The following PREX2 variants were observed in gnomAD, a reference collection of about 807,000 sequenced individuals.
PREX2 encodes phosphatidylinositol 3,4,5-trisphosphate-dependent Rac exchanger 2 protein.
PREX2 carries 107 observed loss-of-function variants against 203.2 expected under a neutral mutation model. The ratio of observed to expected loss-of-function variants is 0.53; its 90% CI spans 0.45 to 0.62. The LOEUF is 0.62. Ranked by LOEUF, PREX2 falls within the 20% of genes least tolerant of loss-of-function variation. The pLI is 0.00. For synonymous variants in PREX2, 672 were observed against 663.6 expected, an observed-to-expected ratio of 1.01 and a Z score of -0.19; for missense variants, 1,777 against 1,955.9, an observed-to-expected ratio of 0.91 and a Z score of 1.72.
intron 1 of PREX2, among the ~76,000 whole-genome samples, chr8:67,996,113 A>C (rs370168412): frequency 6.6e-6 from 1 of 152,168 alleles, no homozygotes; most frequent in East Asian, 1.9e-4. Context: ...TTTATGTACT[A>C]ATGGACATTT....
Position 68,150,978 on chromosome 8 carries a change from G to A in PREX2, c.4231+4626G>A, listed in dbSNP as rs568296589. The stretch of plus-strand genomic sequence containing the variant: ...ACAATCTCTGCCCCTATCCTCACAC[G>A]GTCTTCTTCCCTCTGTGTGTGTCTG... On this transcript the variant is annotated intron_variant, in intron 34 of 39. Coordinates refer to ENST00000288368, the MANE Select transcript of PREX2 (RefSeq NM_024870.4). 1.6e-3 allele frequency among the ~76,000 whole-genome samples: 239 copies of A among 152,024 alleles called. 8 individuals carry two copies. The highest frequency in any genetic ancestry group is 3.4e-3 in the Middle Eastern group (1 of 292).
At chr8:68,099,524 A>G (rs1199011339) in intron 22 of PREX2, among the ~76,000 whole-genome samples, 158 bp from the exon 23 acceptor site, 4 of 152,208 alleles carry the variant, frequency 2.6e-5, no homozygotes. Context: ...GCAGCTACCC[A>G]GAGAACAAAA....
intron 37 of PREX2, among the ~76,000 whole-genome samples, chr8:68,199,588 T>C (rs1335276946): frequency 1.3e-5 from 2 of 152,172 alleles, no homozygotes; most frequent in East Asian, 3.9e-4. Context: ...TAAAAACAAC[T>C]AACAAGAAAT....
chr8:68,021,147 ATCTCC>A (rs1807556922), intron 3 of PREX2, among the ~76,000 whole-genome samples: 1 of 152,252 alleles, frequency 6.6e-6, no homozygotes, highest in African/African-American at 2.4e-5. Context: ...TTAAAAGAAT[ATCTCC>A]TATTTATCTA....
chr8:68,099,774 G>C lies in PREX2; in HGVS notation c.2646G>C (p.Gln882His). 6.2e-7 allele frequency: 1 copy of C among 1,613,286 alleles called. No homozygotes were observed. Among genetic ancestry groups the C allele is most frequent in the Non-Finnish European group, 8.5e-7 (1 of 1,179,320 alleles). Reference sequence around the variant, plus strand: ...ATGAAGTGATTCCTACTGACCTTCAGAGTAAATTCAGTGCCCTTTGCAGTG... The same window carrying C: ...ATGAAGTGATTCCTACTGACCTTCACAGTAAATTCAGTGCCCTTTGCAGTG... ...SLNEVIPTDLQSKFSALCSER... is the reference protein window; with the variant it reads ...SLNEVIPTDLHSKFSALCSER... Residue 882 changes from glutamine to histidine, a missense_variant, in exon 23 of 40, where the codon CAG (glutamine) becomes CAC (histidine). By Grantham distance (24) the Gln-to-His change is conservative (BLOSUM62 0). Transcript: ENST00000288368.
At chr8:68,122,815 T>C (rs1250822847) in intron 30 of PREX2, among the ~76,000 whole-genome samples, 2 of 152,172 alleles carry the variant, frequency 1.3e-5, no homozygotes, top group African/African-American at 4.8e-5. Context: ...TGTATGGTTT[T>C]GAGTGAATTT....
intron 1 of PREX2, among the ~76,000 whole-genome samples, chr8:68,017,225 A>G (rs1807431985): frequency 1.3e-5 from 2 of 152,116 alleles, no homozygotes; most frequent in South Asian, 4.2e-4. Flanking sequence ...TTATTTGCCT[A>G]CCATAGAGGT....
At chr8:67,964,066 T>C (rs1199770008) in intron 1 of PREX2, among the ~76,000 whole-genome samples, 3 of 152,122 alleles carry the variant, frequency 2.0e-5, no homozygotes, top group Admixed American at 2.0e-4. Context: ...TCCAATGGGT[T>C]AGAGAAGGTG....
intron 14 of PREX2, among the ~76,000 whole-genome samples, chr8:68,073,540 T>A (rs971227901): frequency 2.0e-5 from 3 of 152,196 alleles, no homozygotes; most frequent in African/African-American, 7.2e-5. Context: ...GTTAATATTA[T>A]TTTTAGGCTG....
At chr8:67,992,476 A>G (rs962218279) in intron 1 of PREX2, among the ~76,000 whole-genome samples, 1 of 152,226 alleles carries the variant, frequency 6.6e-6, no homozygotes, top group Non-Finnish European at 1.5e-5. Context: ...AGAGAAATAG[A>G]GCATTTTATA....
At chr8:68,147,795 G>A (rs796932567) in intron 34 of PREX2, among the ~76,000 whole-genome samples, 5 of 152,292 alleles carry the variant, frequency 3.3e-5, no homozygotes, top group African/African-American at 1.2e-4. Flanking sequence ...GATTTTAGGA[G>A]TTACTAGAAG....
rs56076124 is a variant in PREX2, at chr8:67,960,570, C to A, written c.141+8035C>A. Among the ~76,000 whole-genome samples, 212 of 151,956 alleles carry A rather than the reference C, an allele frequency of 1.4e-3. 3 individuals are homozygous for A. The highest frequency in any genetic ancestry group is 4.8e-3 in the African/African-American group (200 of 41,472). ...AGGGAATGCAGGAGAGGGAGTGTTC[C>A]GGGAGCCACCAGGGAGGGATGGCTT... On this transcript the variant is annotated intron_variant, in intron 1 of 39. Transcript: ENST00000288368.
intron 35 of PREX2, among the ~76,000 whole-genome samples, chr8:68,161,468 C>T (rs1811652448): frequency 6.6e-6 from 1 of 152,054 alleles, no homozygotes; most frequent in Non-Finnish European, 1.5e-5. Flanking sequence ...CAGATCCTGA[C>T]CCTGCATCAG....
chr8:68,025,317 T>C (rs566495199), intron 4 of PREX2, among the ~76,000 whole-genome samples: 6 of 152,138 alleles, frequency 3.9e-5, no homozygotes, highest in Non-Finnish European at 8.8e-5. Flanking sequence ...GCTTTGAATA[T>C]GTCATTCTAC....
At chr8:67,973,072 C>T (rs1181837959) in intron 1 of PREX2, among the ~76,000 whole-genome samples, 3 of 152,096 alleles carry the variant, frequency 2.0e-5, no homozygotes, top group East Asian at 1.9e-4. Context: ...CTCTCAATGC[C>T]GTGTTGATTT....
intron 35 of PREX2, among the ~76,000 whole-genome samples, chr8:68,190,099 G>C (rs1327881195): frequency 2.6e-5 from 4 of 152,110 alleles, no homozygotes; most frequent in South Asian, 2.1e-4. Flanking sequence ...TCCCACACAG[G>C]GTATAGCGTT....
At chr8:68,191,640 A>AG in intron 35 of PREX2, 82 bp from the exon 36 acceptor site, 6 of 985,386 alleles carry the variant, frequency 6.1e-6, no homozygotes, top group Non-Finnish European at 9.6e-6. Context: ...TTTAAAAAAA[A>AG]GTCAGTGATT....
intron 31 of PREX2, among the ~76,000 whole-genome samples, chr8:68,131,060 G>A (rs1333787009): frequency 3.9e-5 from 6 of 152,178 alleles, no homozygotes; most frequent in East Asian, 1.9e-4. Context: ...ACTGCTGAGC[G>A]GTACTGTGTG....
chr8:68,192,970 A>G (rs557254059), intron 37 of PREX2, among the ~76,000 whole-genome samples: 2 of 152,254 alleles, frequency 1.3e-5, no homozygotes, highest in Non-Finnish European at 2.9e-5. Flanking sequence ...CTTTCTAACT[A>G]CTGGTGAAAT....
Sources: gnomAD v4.1 joint callset for allele counts (sites outside exome capture counted in the v4.1 genomes callset) on GRCh38, gnomAD v4.1.1 for gene constraint, MANE v1.5 for transcripts, NCBI Gene and HGNC (gene_info 2026-07-23, HGNC 2026-07-21) for gene names.